Variants in ANKRD22 observed in about 807,000 individuals in gnomAD.
The protein encoded by ANKRD22 is ankyrin repeat domain 22.
ANKRD22 carries 24 observed loss-of-function variants against 25.7 expected under a neutral mutation model. The ratio of observed to expected loss-of-function variants is 0.93; its 90% CI spans 0.68 to 1.31. The LOEUF is 1.31. Among genes scored for constraint, ANKRD22 ranks in the 50% most tolerant of loss-of-function variants. The probability of loss-of-function intolerance (pLI) is 0.00; values close to 1 mark genes in which losing one functional copy is unlikely to be tolerated. For missense variants in ANKRD22, 214 were observed against 227.1 expected (o/e 0.94, Z 0.37); for synonymous variants, 84 against 84.3 (o/e 1.00, Z 0.02).
Position 88,828,635 on chromosome 10 carries a change from T to C in ANKRD22, c.245A>G (p.Lys82Arg), listed in dbSNP as rs1490633273. 1.2e-6 allele frequency: 2 copies of C among 1,609,292 alleles called. No individual in the cohort carries two copies. Among genetic ancestry groups the C allele is most frequent in the Non-Finnish European group, 1.7e-6 (2 of 1,177,180 alleles). Reference sequence around the variant, plus strand: ...ATAATCAATGAAGGTAAATTTTTTCTTCACAGCATAATGCAAGCAGGTTCT... The same window carrying C: ...ATAATCAATGAAGGTAAATTTTTTCCTCACAGCATAATGCAAGCAGGTTCT... ...KERTCLHYAVKKKFTFIDYLL... is the reference protein window; with the variant it reads ...KERTCLHYAVRKKFTFIDYLL... The change falls in exon 3 of 6, where the codon AAG becomes AGG. Residue 82 changes from lysine (K) to arginine (R), a missense_variant. Physicochemically the swap from Lys to Arg is conservative, Grantham distance 26. Transcript: ENST00000371930.
intron 1 of ANKRD22, among the ~76,000 whole-genome samples, chr10:88,844,938 C>A (rs1229801582): frequency 6.6e-6 from 1 of 152,074 alleles, no homozygotes; most frequent in Non-Finnish European, 1.5e-5. Flanking sequence ...GAGCTTTGAA[C>A]CTGTCTTTCT....
Position 88,823,326 on chromosome 10 carries a change from A to G in ANKRD22, c.452T>C (p.Ile151Thr), listed in dbSNP as rs1371233368. The G allele has an allele frequency of 3.7e-6, 6 of 1,614,130 alleles. No homozygotes were observed. The highest frequency in any genetic ancestry group is 3.3e-5 in the South Asian group (3 of 91,076). ...YACEMKNQSL[I>T]PLLLEARADP... The stretch of plus-strand genomic sequence containing the variant: ...TGCACGGGCTTCCAAGAGCAGAGGG[A>G]TAAGAGACTGGTTTTTCATTTCACA... Residue 151 changes from isoleucine (I) to threonine (T), a missense_variant, in exon 5 of 6, where the codon ATC becomes ACC. Transcript: ENST00000371930.
intron 4 of ANKRD22, among the ~76,000 whole-genome samples, chr10:88,823,827 C>CAAAAAAAAAAAAAAAAAAAAAAAAAAA (rs56194758): frequency 1.1e-4 from 11 of 103,748 alleles, no homozygotes; most frequent in African/African-American, 4.3e-4. Context: ...GACTCCGTCT[C>CAAAAAAAAAAAAAAAAAAAAAAAAAAA]AAAAAAAAAA....
chr10:88,823,255 C>A (rs1370387434), intron 5 of ANKRD22, 25 bp downstream of exon 5: 2 of 1,587,304 alleles, frequency 1.3e-6, no homozygotes, highest in Non-Finnish European at 1.7e-6. Flanking sequence ...AGAGGAACCT[C>A]AGACCACGGT....
Position 88,820,179 on chromosome 10 carries a change from G to A in ANKRD22, c.*2762C>T. ...TATGTCTATTTGAAACATAAATTAT[G>A]AGCCTGAAAGTCCAAATGTTACCTA... On this transcript the variant is annotated 3_prime_UTR_variant, in exon 6 of 6. Coordinates refer to ENST00000371930, the MANE Select transcript of ANKRD22 (RefSeq NM_144590.3). 6 of 1,397,622 alleles carry A rather than the reference G, an allele frequency of 4.3e-6. No homozygotes were observed. The highest frequency in any genetic ancestry group is 2.5e-5 in the East Asian group (1 of 40,122). 86.6% of individuals were successfully genotyped at this position (1,397,622 alleles called of 1,614,324 possible).
chr10:88,823,097 G>T, intron 5 of ANKRD22, 79 bp from the exon 6 acceptor site: 1 of 1,420,818 alleles, frequency 7.0e-7, no homozygotes, highest in Non-Finnish European at 9.9e-7. Context: ...TTGACTCTCT[G>T]TGTTGGCAAG....
At chr10:88,826,866 T>TA (rs35124186) in intron 3 of ANKRD22, among the ~76,000 whole-genome samples, 3 of 152,132 alleles carry the variant, frequency 2.0e-5, no homozygotes, top group African/African-American at 7.2e-5. Context: ...TCTCATGGGG[T>TA]AAAAAACTAT....
intron 5 of ANKRD22, 52 bp from the exon 6 acceptor site, chr10:88,823,070 T>C: frequency 6.4e-7 from 1 of 1,554,356 alleles, no homozygotes; most frequent in South Asian, 1.1e-5. Flanking sequence ...CAAGATCTCG[T>C]ACGTAGCTTA....
intron 1 of ANKRD22, among the ~76,000 whole-genome samples, chr10:88,834,658 G>C (rs1843935749): frequency 6.6e-6 from 1 of 152,152 alleles, no homozygotes; most frequent in African/African-American, 2.4e-5. Flanking sequence ...GTTTTGGCTG[G>C]GCGCGATGGC....
rs1843789566 is a variant in ANKRD22, at chr10:88,821,177, C to T, written c.*1764G>A. On this transcript the variant is annotated 3_prime_UTR_variant, in exon 6 of 6. Transcript: ENST00000371930. ...TAGTCCAAGCTTGTTGGAAGGTTTACAGCTTGTTGCTAGGAGACCTAATGA... is the reference window on the plus strand; with the variant it reads ...TAGTCCAAGCTTGTTGGAAGGTTTATAGCTTGTTGCTAGGAGACCTAATGA... Among the ~76,000 whole-genome samples the T allele has an allele frequency of 6.6e-6, 1 of 152,206 alleles. No individual in the cohort carries two copies. The highest frequency in any genetic ancestry group is 6.5e-5 in the Admixed American group (1 of 15,290).
chr10:88,836,806 A>C (rs949022973), intron 1 of ANKRD22, among the ~76,000 whole-genome samples: 5 of 152,174 alleles, frequency 3.3e-5, no homozygotes, highest in Admixed American at 2.0e-4. Context: ...GTGTCATCAG[A>C]GAGTCTGCAG....
At position 88,820,647 on chromosome 10, in the gene ANKRD22, T is replaced by A. The variant is rs1843782435; in HGVS notation, c.*2294A>T. 1.3e-6 allele frequency: 1 copy of A among 760,020 alleles called. No individual in the cohort carries two copies. Among genetic ancestry groups the A allele is most frequent in the Admixed American group, 3.0e-5 (1 of 33,094 alleles). 47.1% of individuals were successfully genotyped at this position (760,020 alleles called of 1,614,324 possible). A position where few individuals can be genotyped will look rare whatever the true frequency, so the allele number is the denominator to read the frequency against. On this transcript the variant is annotated 3_prime_UTR_variant, in exon 6 of 6. Transcript: ENST00000371930. ...TAAATCCGACACTTACATTTACATT[T>A]TTTTTCTGTAAATTAAAGTACTTAT...
chr10:88,825,795 C>T (rs771830342), intron 4 of ANKRD22, among the ~76,000 whole-genome samples: 12 of 152,064 alleles, frequency 7.9e-5, no homozygotes, highest in Non-Finnish European at 1.3e-4. Context: ...CTTAACGTCT[C>T]AACAACATTA....
intron 1 of ANKRD22, among the ~76,000 whole-genome samples, chr10:88,842,203 T>A (rs2133079843): frequency 6.6e-6 from 1 of 152,230 alleles, no homozygotes; most frequent in East Asian, 1.9e-4. Flanking sequence ...TACTATATAC[T>A]GAACTCTTTT....
intron 3 of ANKRD22, among the ~76,000 whole-genome samples, chr10:88,826,597 A>G (rs893852434): frequency 3.9e-5 from 6 of 152,116 alleles, no homozygotes; most frequent in African/African-American, 1.4e-4. Context: ...TTAATCTTTC[A>G]TTCTCAGAGA....
At chr10:88,851,266 GTGTT>G (rs966047779) in intron 1 of ANKRD22, among the ~76,000 whole-genome samples, 68 of 151,990 alleles carry the variant, frequency 4.5e-4, no homozygotes, top group African/African-American at 1.6e-3. Context: ...TTTTCTCTGA[GTGTT>G]TGTCATGAGA....
intron 4 of ANKRD22, among the ~76,000 whole-genome samples, chr10:88,825,007 T>TCACACACACACACACACA (rs568461484): frequency 1.7e-5 from 2 of 115,444 alleles, no homozygotes; most frequent in Non-Finnish European, 3.9e-5. Context: ...TCTCTCTCTC[T>TCACACACACACACACACA]CTCTCACACA....
At chr10:88,827,182 C>T (rs1323050528) in intron 3 of ANKRD22, among the ~76,000 whole-genome samples, 1 of 151,510 alleles carries the variant, frequency 6.6e-6, no homozygotes, top group Admixed American at 6.6e-5. Context: ...CCTCTTGTGT[C>T]ACCTCCTAAA....
chr10:88,835,598 A>C (rs1378217143), intron 1 of ANKRD22, among the ~76,000 whole-genome samples: 1 of 152,252 alleles, frequency 6.6e-6, no homozygotes, highest in Non-Finnish European at 1.5e-5. Context: ...ACATAGGTGA[A>C]CATATAAAAA....
Sources: gnomAD v4.1 joint callset for allele counts (sites outside exome capture counted in the v4.1 genomes callset) on GRCh38, gnomAD v4.1.1 for gene constraint, MANE v1.5 for transcripts, NCBI Gene and HGNC (gene_info 2026-07-23, HGNC 2026-07-21) for gene names.